The following BBS9 variants were observed in gnomAD, a reference collection of about 807,000 sequenced individuals.
BBS9 encodes protein PTHB1.
A neutral mutation model predicts 117.7 loss-of-function variants in BBS9; 89 were observed. That is an observed-to-expected ratio of 0.76 (90% confidence interval 0.64 to 0.90). BBS9 has a LOEUF of 0.90. Ranked by LOEUF, BBS9 falls within the 40% of genes least tolerant of loss-of-function variation. The pLI is 0.00. For missense variants in BBS9, 982 were observed against 1,042.2 expected (o/e 0.94, Z 0.80); for synonymous variants, 379 against 370.9 (o/e 1.02, Z -0.25).
intron 3 of BBS9, among the ~76,000 whole-genome samples, chr7:33,154,499 C>T (rs887489702): frequency 2.0e-5 from 3 of 152,108 alleles, no homozygotes; most frequent in Admixed American, 2.0e-4. Context: ...GAGTTTCACT[C>T]TCGTCGCCCA....
At chr7:33,549,696 A>T (rs748534278) in intron 21 of BBS9, among the ~76,000 whole-genome samples, 33 of 152,088 alleles carry the variant, frequency 2.2e-4, no homozygotes, top group Non-Finnish European at 4.1e-4. Flanking sequence ...ATCACTGGCC[A>T]TCAGAGAAAT....
At chr7:33,530,748 G>C (rs1452875927) in intron 20 of BBS9, among the ~76,000 whole-genome samples, 2 of 152,110 alleles carry the variant, frequency 1.3e-5, no homozygotes, top group Non-Finnish European at 2.9e-5. Context: ...TGTTTTTATG[G>C]TCTTTTAGGT....
chr7:33,399,218 T>A (rs897846916), intron 19 of BBS9, among the ~76,000 whole-genome samples: 1 of 152,182 alleles, frequency 6.6e-6, no homozygotes, highest in African/African-American at 2.4e-5. Flanking sequence ...GATGTCTTTT[T>A]TCTTTATTTT....
At chr7:33,409,672 T>A (rs1293012749) in intron 19 of BBS9, among the ~76,000 whole-genome samples, 1 of 152,240 alleles carries the variant, frequency 6.6e-6, no homozygotes, top group Non-Finnish European at 1.5e-5. Flanking sequence ...TCACTTATTG[T>A]TGTCTGTTTA....
At chr7:33,489,663 GA>G in intron 19 of BBS9, among the ~76,000 whole-genome samples, 1 of 152,006 alleles carries the variant, frequency 6.6e-6, no homozygotes, top group East Asian at 1.9e-4. Context: ...TAACTTTTCT[GA>G]AGATTGCTAA....
At chr7:33,381,842 C>T (rs1939365983) in intron 17 of BBS9, among the ~76,000 whole-genome samples, 1 of 152,046 alleles carries the variant, frequency 6.6e-6, no homozygotes, top group South Asian at 2.1e-4. Flanking sequence ...ATATTTTATT[C>T]TTTATCATTG....
chr7:33,224,618 C>T (rs1017198357), intron 5 of BBS9, among the ~76,000 whole-genome samples: 1 of 152,184 alleles, frequency 6.6e-6, no homozygotes, highest in Admixed American at 6.5e-5. Context: ...CCCCACCGAT[C>T]TTCTCCCTAA....
chr7:33,553,673 G>C (rs1231254899), intron 21 of BBS9, among the ~76,000 whole-genome samples: 3 of 152,160 alleles, frequency 2.0e-5, no homozygotes, highest in Non-Finnish European at 1.5e-5. Flanking sequence ...CAAGAGAACA[G>C]TATTAGGAGC....
intron 15 of BBS9, 38 bp from the exon 16 acceptor site, chr7:33,357,817 T>A: frequency 1.3e-6 from 2 of 1,598,832 alleles, no homozygotes; most frequent in Non-Finnish European, 1.7e-6. Context: ...AAATTATTTG[T>A]CAAGTCTATG....
At chr7:33,287,358 A>G (rs1584107355) in intron 9 of BBS9, among the ~76,000 whole-genome samples, 1 of 152,216 alleles carries the variant, frequency 6.6e-6, no homozygotes, top group East Asian at 1.9e-4. Flanking sequence ...ATCTTAAGAA[A>G]AAAGATTTAG....
intron 21 of BBS9, among the ~76,000 whole-genome samples, chr7:33,595,132 G>C (rs765553311): frequency 6.6e-6 from 1 of 152,072 alleles, no homozygotes; most frequent in Non-Finnish European, 1.5e-5. Flanking sequence ...CATAGGCATG[G>C]GCAAAGACTT....
chr7:33,567,759 A>G (rs746144056), intron 21 of BBS9, among the ~76,000 whole-genome samples: 3 of 152,134 alleles, frequency 2.0e-5, no homozygotes, highest in African/African-American at 4.8e-5. Flanking sequence ...CTTAATCTCA[A>G]TATTTTCAGA....
At chr7:33,434,430 G>A (rs1009390280) in intron 19 of BBS9, among the ~76,000 whole-genome samples, 9 of 152,062 alleles carry the variant, frequency 5.9e-5, no homozygotes, top group Non-Finnish European at 1.2e-4. Context: ...TCAATAGATA[G>A]CCTTCTAGTG....
intron 9 of BBS9, among the ~76,000 whole-genome samples, chr7:33,313,814 A>C (rs1809851857): frequency 6.6e-6 from 1 of 152,224 alleles, no homozygotes; most frequent in South Asian, 2.1e-4. Flanking sequence ...ATAACAACTG[A>C]AAGCCATTTA....
chr7:33,158,990 T>A (rs1449085616), intron 4 of BBS9, among the ~76,000 whole-genome samples: 3 of 152,152 alleles, frequency 2.0e-5, no homozygotes, highest in Non-Finnish European at 4.4e-5. Flanking sequence ...TCAGGTTGGT[T>A]ACAGCTTGAG....
chr7:33,427,881 A>T (rs1245329121), intron 19 of BBS9, among the ~76,000 whole-genome samples: 1 of 152,120 alleles, frequency 6.6e-6, no homozygotes. Flanking sequence ...GACCCTAACT[A>T]GTTACTATTA....
In BBS9 at chr7:33,611,618, AATT is replaced by A. The variant is rs1864869984; in HGVS notation, c.2522-23555_2522-23553del. Among the ~76,000 whole-genome samples the A allele has an allele frequency of 4.4e-5, 6 of 135,326 alleles. No individual in the cohort carries two copies. In the South Asian group the frequency reaches 1.3e-3, roughly 30 times the overall value. 88.8% of individuals were successfully genotyped at this position (135,326 alleles called of 152,430 possible). A position where few individuals can be genotyped will look rare whatever the true frequency, so the allele number is the denominator to read the frequency against. The stretch of plus-strand genomic sequence containing the variant: ...TAATATTATTTAATTAATTAATATT[AATT>A]ATTTAATAATATTATTATATAAGGT... On this transcript the variant is annotated intron_variant, in intron 21 of 21. Coordinates refer to the BBS9 transcript ENST00000671952.
At chr7:33,589,851 A>G (rs1861558077) in intron 21 of BBS9, among the ~76,000 whole-genome samples, 1 of 152,146 alleles carries the variant, frequency 6.6e-6, no homozygotes, top group Admixed American at 6.6e-5. Context: ...ATGTTACTTT[A>G]AAGCCAGAAG....
intron 21 of BBS9, among the ~76,000 whole-genome samples, chr7:33,552,875 C>T (rs1289124347): frequency 6.6e-6 from 1 of 152,194 alleles, no homozygotes; most frequent in Non-Finnish European, 1.5e-5. Flanking sequence ...AGACTTGTTA[C>T]CGTGGCCTGC....
Sources: gnomAD v4.1 joint callset for allele counts (sites outside exome capture counted in the v4.1 genomes callset) on GRCh38, gnomAD v4.1.1 for gene constraint, MANE v1.5 for transcripts, NCBI Gene and HGNC (gene_info 2026-07-23, HGNC 2026-07-21) for gene names.